KAT2B: variants seen among roughly 807,000 people sequenced by gnomAD.
KAT2B encodes the protein histone acetyltransferase KAT2B.
In KAT2B, 36 loss-of-function variants were observed where a neutral mutation model predicts 105.9. The observed-to-expected ratio is 0.34, with a 90% CI of 0.26 to 0.45. The LOEUF (loss-of-function observed/expected upper bound fraction) is 0.45, where lower values mean the gene tolerates loss of function less well. Ranked by LOEUF, KAT2B falls within the 20% of genes least tolerant of loss-of-function variation. KAT2B has a pLI of 1.00. For synonymous variants in KAT2B, 397 were observed against 377.9 expected (o/e 1.05, Z -0.59); for missense variants, 820 against 1,021.6 (o/e 0.80, Z 2.69).
intron 2 of KAT2B, among the ~76,000 whole-genome samples, chr3:20,083,678 G>A (rs1335563468): frequency 1.3e-5 from 2 of 152,172 alleles, no homozygotes; most frequent in Non-Finnish European, 2.9e-5. Context: ...TTTTATTATA[G>A]TAGGTTTGAC....
chr3:20,079,754 A>C (rs535236979), intron 2 of KAT2B, among the ~76,000 whole-genome samples: 9 of 152,188 alleles, frequency 5.9e-5, no homozygotes, highest in Non-Finnish European at 1.0e-4. Context: ...CAAAGGACGT[A>C]AACATGGGGC....
chr3:20,129,554 T>G (rs998603953), intron 11 of KAT2B, among the ~76,000 whole-genome samples: 13 of 152,054 alleles, frequency 8.5e-5, no homozygotes, highest in Non-Finnish European at 1.6e-4. Flanking sequence ...TTTTGTATTT[T>G]TAGTAGAGAT....
chr3:20,110,672 CAAA>C (rs55653348), intron 5 of KAT2B, among the ~76,000 whole-genome samples: 4 of 69,474 alleles, frequency 5.8e-5, no homozygotes, highest in Non-Finnish European at 8.2e-5. Context: ...GACCCTGTCT[CAAA>C]AAAAAAAAAA....
At chr3:20,111,562 G>A in intron 5 of KAT2B, 34 bp from the exon 6 acceptor site, 1 of 1,548,596 alleles carries the variant, frequency 6.5e-7, no homozygotes, top group Non-Finnish European at 8.8e-7. Context: ...GGGGTTTATG[G>A]GATATTGATG....
At chr3:20,049,108 C>G (rs937774291) in intron 1 of KAT2B, among the ~76,000 whole-genome samples, 2 of 152,090 alleles carry the variant, frequency 1.3e-5, no homozygotes, top group African/African-American at 4.8e-5. Context: ...GATCCGCCCA[C>G]CTTGGCCTCT....
chr3:20,115,167 T>A (rs2125168630), intron 7 of KAT2B, among the ~76,000 whole-genome samples, 179 bp downstream of exon 7: 1 of 152,342 alleles, frequency 6.6e-6, no homozygotes, highest in African/African-American at 2.4e-5. Flanking sequence ...CACCTAGGAA[T>A]CAAGTCTCAG....
intron 3 of KAT2B, among the ~76,000 whole-genome samples, chr3:20,096,717 T>C (rs981975119): frequency 6.6e-6 from 1 of 152,180 alleles, no homozygotes; most frequent in African/African-American, 2.4e-5. Context: ...CTTTGGCTGC[T>C]AGGAATCTTA....
chr3:20,125,438 C>G (rs1282037712), intron 9 of KAT2B, among the ~76,000 whole-genome samples: 1 of 151,978 alleles, frequency 6.6e-6, no homozygotes, highest in Non-Finnish European at 1.5e-5. Context: ...GGTTGGCAAA[C>G]TATAACCCAC....
intron 1 of KAT2B, among the ~76,000 whole-genome samples, chr3:20,051,560 G>A (rs1237367986): frequency 6.6e-6 from 1 of 152,236 alleles, no homozygotes; most frequent in African/African-American, 2.4e-5. Context: ...TAAAGCTCCA[G>A]TGGGCAATGC....
At position 20,152,442 on chromosome 3, in the gene KAT2B, G is replaced by A; in HGVS notation, c.2416G>A (p.Glu806Lys). ...FTNCKEYNPPESEYYKCANIL... is the reference protein window; with the variant it reads ...FTNCKEYNPPKSEYYKCANIL... ...CAATTGCAAAGAGTACAACCCCCCT[G>A]AGAGTGAATACTACAAATGTGCCAA... The change falls in exon 18 of 18, where the codon GAG (glutamate) becomes AAG (lysine). Residue 806 changes from glutamate (E) to lysine (K), a missense_variant. Physicochemically the swap from Glu to Lys is moderately conservative, Grantham distance 56. Coordinates refer to ENST00000263754, the MANE Select transcript of KAT2B (RefSeq NM_003884.5). 6.2e-7 allele frequency: 1 copy of A among 1,613,454 alleles called. No homozygotes were observed. The highest frequency in any genetic ancestry group is 8.5e-7 in the Non-Finnish European group (1 of 1,179,544).
intron 15 of KAT2B, 112 bp downstream of exon 15, chr3:20,148,111 G>T: frequency 7.4e-7 from 1 of 1,355,594 alleles, no homozygotes; most frequent in Non-Finnish European, 1.0e-6. Flanking sequence ...ACAGTTGGTG[G>T]GTTTTGAGTT....
rs574701896 is a variant in KAT2B, at chr3:20,152,530, T to C, written c.*5T>C. On this transcript the variant is annotated 3_prime_UTR_variant, in exon 18 of 18. Coordinates refer to ENST00000263754, the MANE Select transcript of KAT2B (RefSeq NM_003884.5). ...GCTGGATTAATTGACAAGTGATTTT[T>C]TTTCCCCTCTGCTTCTTAGAAACTC... The C allele has an allele frequency of 3.2e-5, 51 of 1,609,980 alleles. No homozygotes were observed. The South Asian group carries it at 5.5e-4, about 17-fold the overall frequency.
chr3:20,059,255 A>G (rs1237898731), intron 1 of KAT2B, among the ~76,000 whole-genome samples: 1 of 151,950 alleles, frequency 6.6e-6, no homozygotes, highest in Non-Finnish European at 1.5e-5. Context: ...TCTACTAAAA[A>G]TACAAAAATT....
At chr3:20,040,832 C>A in intron 1 of KAT2B, 52 bp downstream of exon 1, 1 of 1,515,594 alleles carries the variant, frequency 6.6e-7, no homozygotes, top group Non-Finnish European at 8.8e-7. Flanking sequence ...GCCCAGCCCG[C>A]GGGACCCCCC....
intron 1 of KAT2B, among the ~76,000 whole-genome samples, chr3:20,065,442 C>G (rs769145877): frequency 6.6e-6 from 1 of 152,030 alleles, no homozygotes; most frequent in Non-Finnish European, 1.5e-5. Flanking sequence ...CCTCTTATCT[C>G]GAAGAACAGT....
intron 13 of KAT2B, among the ~76,000 whole-genome samples, chr3:20,140,714 A>G (rs1699681916): frequency 6.6e-6 from 1 of 151,836 alleles, no homozygotes; most frequent in Non-Finnish European, 1.5e-5. Flanking sequence ...CTGGTCTCGA[A>G]CTCCTGACCT....
intron 2 of KAT2B, among the ~76,000 whole-genome samples, chr3:20,073,883 A>G (rs1339207810): frequency 6.6e-6 from 1 of 152,240 alleles, no homozygotes; most frequent in African/African-American, 2.4e-5. Context: ...AAATCCTATT[A>G]TCCTACATCA....
chr3:20,144,276 C>CTTTTTTTT (rs761735374), intron 13 of KAT2B, among the ~76,000 whole-genome samples: 5 of 89,392 alleles, frequency 5.6e-5, no homozygotes, highest in Non-Finnish European at 8.7e-5. Context: ...CCTTGGGATT[C>CTTTTTTTT]TTTTTTTTTT....
At chr3:20,148,552 G>T in intron 17 of KAT2B, 65 bp downstream of exon 17, 4 of 1,129,770 alleles carry the variant, frequency 3.5e-6, no homozygotes, top group Non-Finnish European at 5.1e-6. Context: ...GGGGACAAAT[G>T]GTTGCTGAGG....
Sources: allele counts gnomAD v4.1 joint callset (sites outside exome capture counted in the v4.1 genomes callset), GRCh38; gene constraint gnomAD v4.1.1; transcripts MANE v1.5; gene names NCBI Gene and HGNC (gene_info 2026-07-23, HGNC 2026-07-21).